Variants in FAF1 observed in about 807,000 individuals in gnomAD.
FAF1 encodes FAS-associated factor 1.
Under a neutral mutation model 92.5 loss-of-function variants are expected in FAF1, and 25 were observed. The ratio of observed to expected loss-of-function variants is 0.27; its 90% CI spans 0.20 to 0.38. The LOEUF is 0.38. Ranked by LOEUF, FAF1 falls within the 10% of genes least tolerant of loss-of-function variation. FAF1 has a pLI of 1.00. For missense variants in FAF1, 636 were observed against 793.3 expected (o/e 0.80, Z 2.38); for synonymous variants, 234 against 273.2 (o/e 0.86, Z 1.42).
intron 15 of FAF1, among the ~76,000 whole-genome samples, chr1:50,517,685 T>C (rs1047428174): frequency 2.0e-5 from 3 of 152,188 alleles, no homozygotes; most frequent in African/African-American, 4.8e-5. Context: ...TTAGGAAAGA[T>C]TGTGCAATCC....
intron 1 of FAF1, among the ~76,000 whole-genome samples, chr1:50,947,802 AAT>A (rs1645182287): frequency 1.3e-5 from 2 of 152,236 alleles, no homozygotes; most frequent in Admixed American, 6.5e-5. Flanking sequence ...TTATTTTCTC[AAT>A]GACAGATTTT....
At chr1:50,908,769 T>C (rs1027111323) in intron 1 of FAF1, among the ~76,000 whole-genome samples, 2 of 152,312 alleles carry the variant, frequency 1.3e-5, no homozygotes, top group African/African-American at 4.8e-5. Flanking sequence ...TATGTGTGTC[T>C]CTGCACATGA....
intron 7 of FAF1, among the ~76,000 whole-genome samples, chr1:50,663,389 T>C (rs903105774): frequency 6.6e-6 from 1 of 150,934 alleles, no homozygotes. Flanking sequence ...TTAAGAAGCA[T>C]TGCTTTTTTT....
intron 7 of FAF1, among the ~76,000 whole-genome samples, chr1:50,678,601 G>A (rs547881629): frequency 6.6e-6 from 1 of 151,870 alleles, no homozygotes; most frequent in South Asian, 2.1e-4. Flanking sequence ...CCAACACGGT[G>A]AAACCCCGTC....
chr1:50,637,650 G>A (rs1654102792), intron 8 of FAF1, among the ~76,000 whole-genome samples: 1 of 150,704 alleles, frequency 6.6e-6, no homozygotes, highest in Non-Finnish European at 1.5e-5. Context: ...GCCAGGCTCT[G>A]TGACTCACTC....
At chr1:50,728,536 A>T (rs1658758343) in intron 6 of FAF1, among the ~76,000 whole-genome samples, 1 of 152,158 alleles carries the variant, frequency 6.6e-6, no homozygotes, top group East Asian at 1.9e-4. Context: ...CATGCCTGCA[A>T]TTCCAGCACT....
chr1:50,894,051 C>A (rs1644739663), intron 1 of FAF1, among the ~76,000 whole-genome samples: 1 of 152,116 alleles, frequency 6.6e-6, no homozygotes, highest in Non-Finnish European at 1.5e-5. Flanking sequence ...GTAATCCCAA[C>A]ACTTTGAGAG....
intron 6 of FAF1, among the ~76,000 whole-genome samples, chr1:50,717,773 G>A (rs1156958961): frequency 1.3e-5 from 2 of 152,152 alleles, no homozygotes; most frequent in African/African-American, 4.8e-5. Context: ...AGGCTGAGGT[G>A]GGAGGATGAC....
At chr1:50,773,150 C>T (rs1426626267) in intron 4 of FAF1, among the ~76,000 whole-genome samples, 1 of 152,158 alleles carries the variant, frequency 6.6e-6, no homozygotes, top group Non-Finnish European at 1.5e-5. Flanking sequence ...TTTTGAGGTT[C>T]TGGACAAAGG....
intron 1 of FAF1, among the ~76,000 whole-genome samples, chr1:50,935,752 A>T (rs900731138): frequency 1.3e-5 from 2 of 152,200 alleles, no homozygotes; most frequent in African/African-American, 4.8e-5. Flanking sequence ...GATTACGGGC[A>T]TGAGCTACTA....
chr1:50,753,510 A>G (rs1659953642), intron 4 of FAF1, among the ~76,000 whole-genome samples: 1 of 152,170 alleles, frequency 6.6e-6, no homozygotes, highest in South Asian at 2.1e-4. Context: ...CCTATGTAGA[A>G]ACTACCAAAG....
chr1:50,648,652 C>A (rs553164606), intron 8 of FAF1, among the ~76,000 whole-genome samples: 1 of 152,034 alleles, frequency 6.6e-6, no homozygotes, highest in Non-Finnish European at 1.5e-5. Flanking sequence ...TTTGGCTGGG[C>A]GCGGTGGCTC....
intron 1 of FAF1, among the ~76,000 whole-genome samples, chr1:50,930,578 G>A (rs1645039621): frequency 6.6e-6 from 1 of 152,236 alleles, no homozygotes; most frequent in South Asian, 2.1e-4. Context: ...GCTCAAGCCT[G>A]TAATCCCAGC....
intron 17 of FAF1, among the ~76,000 whole-genome samples, chr1:50,488,933 T>A (rs1646798117): frequency 6.6e-6 from 1 of 152,216 alleles, no homozygotes; most frequent in African/African-American, 2.4e-5. Context: ...AGGCATAATA[T>A]CTTGTATATA....
intron 6 of FAF1, among the ~76,000 whole-genome samples, chr1:50,727,686 G>T (rs1049217907): frequency 6.6e-6 from 1 of 152,214 alleles, no homozygotes; most frequent in Non-Finnish European, 1.5e-5. Flanking sequence ...GTCTGTGAGG[G>T]TGTTGCCAAA....
At chr1:50,954,011 C>T (rs1200225530) in intron 1 of FAF1, among the ~76,000 whole-genome samples, 2 of 151,548 alleles carry the variant, frequency 1.3e-5, no homozygotes, top group African/African-American at 2.4e-5. Context: ...TGCAGTGGCG[C>T]GATCTCGGCT....
chr1:50,952,287 T>G (rs191415743), intron 1 of FAF1, among the ~76,000 whole-genome samples: 22 of 152,322 alleles, frequency 1.4e-4, no homozygotes, highest in Admixed American at 3.9e-4. Flanking sequence ...TTCGTATCTT[T>G]TTGGTGGAGA....
chr1:50,729,189 G>A (rs906785252), intron 6 of FAF1, among the ~76,000 whole-genome samples: 3 of 151,000 alleles, frequency 2.0e-5, no homozygotes, highest in South Asian at 2.1e-4. Flanking sequence ...CCAAATAGCC[G>A]GGATAACAGG....
intron 7 of FAF1, among the ~76,000 whole-genome samples, chr1:50,683,429 A>AGGT (rs1656512731): frequency 6.6e-6 from 1 of 151,928 alleles, no homozygotes; most frequent in African/African-American, 2.4e-5. Context: ...TGGGAGGTTG[A>AGGT]GGTGGGAGAA....
Sources: allele counts gnomAD v4.1 joint callset (sites outside exome capture counted in the v4.1 genomes callset), GRCh38; gene constraint gnomAD v4.1.1; transcripts MANE v1.5; gene names NCBI Gene and HGNC (gene_info 2026-07-23, HGNC 2026-07-21).